Variants in CXorf58 observed in about 807,000 individuals in gnomAD.
CXorf58 encodes the protein uncharacterized protein CXorf58.
In CXorf58, 24 loss-of-function variants were observed where a neutral mutation model predicts 26.0. The ratio of observed to expected loss-of-function variants is 0.92; its 90% CI spans 0.67 to 1.30. CXorf58 has a LOEUF of 1.30. CXorf58 is among the 50% of genes most tolerant of loss of function. CXorf58 has a pLI of 0.00. For missense variants in CXorf58, 236 were observed against 263.9 expected (o/e 0.89, Z 0.73); for synonymous variants, 87 against 86.1 (o/e 1.01, Z -0.06).
intron 2 of CXorf58, 42 bp downstream of exon 2, chrX:23,910,460 T>C: frequency 2.7e-6 from 2 of 729,603 alleles, no homozygotes; most frequent in Non-Finnish European, 4.3e-6. Flanking sequence ...TCCACAACTG[T>C]ACAGTTTCCA....
intron 3 of CXorf58, among the ~76,000 whole-genome samples, chrX:23,915,125 C>A (rs751908206): frequency 1.1e-3 from 120 of 112,749 alleles, no homozygotes; most frequent in African/African-American, 3.7e-3. Context: ...CGGAGCGAGA[C>A]TCTGTCTCAA....
At chrX:23,931,254 T>C (rs920967991) in intron 6 of CXorf58, among the ~76,000 whole-genome samples, 14 of 112,017 alleles carry the variant, frequency 1.2e-4, no homozygotes, top group Non-Finnish European at 2.4e-4. Flanking sequence ...AAAGACCACA[T>C]ACTTTCAGAT....
chrX:23,926,324 A>T (rs1205942272), intron 5 of CXorf58, among the ~76,000 whole-genome samples: 2 of 111,242 alleles, frequency 1.8e-5, no homozygotes, highest in African/African-American at 6.5e-5. Flanking sequence ...ATATTCTGTG[A>T]TTCTTCTGTC....
chrX:23,928,019 G>A (rs1247162077), intron 6 of CXorf58, among the ~76,000 whole-genome samples: 3 of 111,228 alleles, frequency 2.7e-5, no homozygotes, highest in Non-Finnish European at 5.6e-5. Context: ...TGCCTAATCC[G>A]GATATTTCAT....
intron 3 of CXorf58, among the ~76,000 whole-genome samples, chrX:23,914,167 C>A (rs1211096877): frequency 9.1e-6 from 1 of 110,423 alleles, no homozygotes; most frequent in East Asian, 2.9e-4. Context: ...CTCACTGCAA[C>A]CTCTGCCTCC....
At chrX:23,921,254 T>A (rs1268460486) in intron 5 of CXorf58, among the ~76,000 whole-genome samples, 1 of 111,805 alleles carries the variant, frequency 8.9e-6, no homozygotes, top group Non-Finnish European at 1.9e-5. Flanking sequence ...GTATAATAAC[T>A]TAAATTTTTG....
chrX:23,924,620 GC>G (rs1274719751), intron 5 of CXorf58, among the ~76,000 whole-genome samples: 1 of 103,219 alleles, frequency 9.7e-6, no homozygotes, highest in Non-Finnish European at 2.0e-5. Flanking sequence ...ACTACACCCG[GC>G]CTATCTTTTC....
chrX:23,935,668 A>G (rs750333278), intron 7 of CXorf58, among the ~76,000 whole-genome samples: 2 of 111,773 alleles, frequency 1.8e-5, no homozygotes, highest in Non-Finnish European at 3.8e-5. Flanking sequence ...CAGAAAATAT[A>G]AAAAAATGAA....
rs1391917271 is a variant in CXorf58, at chrX:23,939,317, A to G, written c.*14A>G. The G allele has an allele frequency of 8.8e-7, 1 of 1,134,639 alleles. No individual in the cohort carries two copies. The highest frequency in any genetic ancestry group is 2.0e-5 in the South Asian group (1 of 51,252). The allele number at this position is 1,134,639 out of a possible 1,213,427, so 93.5% of individuals were successfully genotyped here. Reference sequence around the variant, plus strand: ...TCCATCTTTTGACATTGTGAAAACTAAGGAATCTATGTCAGAGTGTCAGCT... The same window carrying G: ...TCCATCTTTTGACATTGTGAAAACTGAGGAATCTATGTCAGAGTGTCAGCT... On this transcript the variant is annotated 3_prime_UTR_variant, in exon 9 of 9. Transcript: ENST00000379211.
chrX:23,911,804 C>T lies in CXorf58; in HGVS notation c.164C>T (p.Ser55Phe). 3 of 1,204,122 alleles carry T rather than the reference C, an allele frequency of 2.5e-6. No homozygotes were observed. The highest frequency in any genetic ancestry group is 3.4e-6 in the Non-Finnish European group (3 of 890,609). ...SAQIIQRAWLSHTNKMIFRLL... is the reference protein window; with the variant it reads ...SAQIIQRAWLFHTNKMIFRLL... ...CAAATAATACAGAGGGCTTGGTTATCTCATACAAACAAAATGATATTTCGA... is the reference window on the plus strand; with the variant it reads ...CAAATAATACAGAGGGCTTGGTTATTTCATACAAACAAAATGATATTTCGA... The change falls in exon 3 of 9, where the codon TCT becomes TTT. Residue 55 changes from serine to phenylalanine, a missense_variant. Coordinates refer to ENST00000379211, the MANE Select transcript of CXorf58 (RefSeq NM_152761.3).
In CXorf58 at chrX:23,938,607, A is replaced by C. The variant is rs756209217; in HGVS notation, c.846A>C (p.Lys282Asn). The change falls in exon 8 of 9, where the codon AAA becomes AAC. Residue 282 changes from lysine to asparagine, a missense_variant. By Grantham distance (94) the Lys-to-Asn change is moderately conservative. Transcript: ENST00000379211. Reference sequence around the variant, plus strand: ...CCTACAAACAGCAAAATCAAGTTAAATTTCTGGGTCGTCGATCCAAGCAAG... The same window carrying C: ...CCTACAAACAGCAAAATCAAGTTAACTTTCTGGGTCGTCGATCCAAGCAAG... ...YRPYKQQNQV[K>N]FLGRRSKQAQ... 1.7e-6 allele frequency: 2 copies of C among 1,196,321 alleles called. No individual in the cohort carries two copies. The highest frequency in any genetic ancestry group is 6.0e-5 in the East Asian group (2 of 33,539).
chrX:23,915,615 T>A (rs1377487329), intron 3 of CXorf58, 85 bp from the exon 4 acceptor site: 1 of 535,157 alleles, frequency 1.9e-6, no homozygotes, highest in Non-Finnish European at 3.1e-6. Context: ...TAATGTTCAC[T>A]TTACCACGTT....
chrX:23,923,544 C>G (rs759946397), intron 5 of CXorf58, among the ~76,000 whole-genome samples: 3 of 107,560 alleles, frequency 2.8e-5, no homozygotes, highest in Non-Finnish European at 5.7e-5. Flanking sequence ...GAGGCTGAGG[C>G]AGGAGAATTG....
Position 23,939,468 on chromosome X carries a change from AAAT to A in CXorf58, c.*169_*171del. On this transcript the variant is annotated 3_prime_UTR_variant, in exon 9 of 9. Coordinates refer to ENST00000379211, the MANE Select transcript of CXorf58 (RefSeq NM_152761.3). ...TTTAACAATCTGCTTGTCTGTCTAT[AAAT>A]AATGAGTATGTGTAATAAAGGAAAA... is the stretch of plus-strand genomic sequence containing the variant. The A allele has an allele frequency of 5.0e-6, 2 of 398,844 alleles. No individual in the cohort carries two copies. The highest frequency in any genetic ancestry group is 8.1e-5 in the East Asian group (2 of 24,561). The allele number at this position is 398,844 out of a possible 1,213,427, so 32.9% of individuals were successfully genotyped here.
chrX:23,930,173 G>C (rs1432946326), intron 6 of CXorf58, among the ~76,000 whole-genome samples: 1 of 81,864 alleles, frequency 1.2e-5, no homozygotes, highest in African/African-American at 4.8e-5. Flanking sequence ...CTCCAGCCTG[G>C]GTGACAGGGC....
At position 23,938,547 on chromosome X, in the gene CXorf58, G is replaced by T; in HGVS notation, c.786G>T (p.Arg262Ser). 1 of 1,110,651 alleles carries T rather than the reference G, an allele frequency of 9.0e-7. No homozygotes were observed. Among genetic ancestry groups the T allele is most frequent in the Non-Finnish European group, 1.2e-6 (1 of 845,228 alleles). 91.5% of individuals were successfully genotyped at this position (1,110,651 alleles called of 1,213,427 possible). The change falls in exon 8 of 9, where the codon AGG becomes AGT. Residue 262 changes from arginine (R) to serine (S), a missense_variant and splice_region_variant. By Grantham distance (110) the Arg-to-Ser change is moderately radical. Transcript: ENST00000379211. ...TGTTTTTAATACAAACATTTTCTAG[G>T]GGTCCATACTTAACTGTCCAACCTC... Reference protein sequence around the residue: ...KHQLRIVSEIRGPYLTVQPLY... With the variant: ...KHQLRIVSEISGPYLTVQPLY...
chrX:23,936,180 G>T (rs1928293709), intron 7 of CXorf58, among the ~76,000 whole-genome samples: 1 of 110,704 alleles, frequency 9.0e-6, no homozygotes, highest in African/African-American at 3.3e-5. Flanking sequence ...GGGCAGTGAG[G>T]GTGAGTTGGG....
chrX:23,925,766 A>ATTTTCTTTTC (rs1349003105), intron 5 of CXorf58, among the ~76,000 whole-genome samples: 3 of 98,863 alleles, frequency 3.0e-5, no homozygotes, highest in Non-Finnish European at 6.1e-5. Context: ...AGATGTTTGA[A>ATTTTCTTTTC]TTTTCTTTTC....
At chrX:23,926,268 G>A (rs985153732) in intron 5 of CXorf58, among the ~76,000 whole-genome samples, 10 of 110,990 alleles carry the variant, frequency 9.0e-5, no homozygotes, top group African/African-American at 3.0e-4. Flanking sequence ...ACTTATATGT[G>A]GAAGGGTATG....
Sources: allele counts gnomAD v4.1 joint callset (sites outside exome capture counted in the v4.1 genomes callset), GRCh38; gene constraint gnomAD v4.1.1; transcripts MANE v1.5; gene names NCBI Gene and HGNC (gene_info 2026-07-23, HGNC 2026-07-21).